Variants in MTHFS observed in about 807,000 individuals in gnomAD.
MTHFS encodes the protein 5-formyltetrahydrofolate cyclo-ligase.
In MTHFS, 7 loss-of-function variants were observed where a neutral mutation model predicts 12.7. The ratio of observed to expected loss-of-function variants is 0.55; its 90% CI spans 0.31 to 1.03. MTHFS has a LOEUF of 1.03. Ranked by LOEUF, MTHFS falls within the 50% of genes least tolerant of loss-of-function variation. MTHFS has a pLI of 0.05. For synonymous variants in MTHFS, 100 were observed against 97.1 expected (o/e 1.03, Z -0.18); for missense variants, 252 against 258.1 (o/e 0.98, Z 0.16).
At chr15:79,855,152 C>T (rs1024493642) in intron 2 of MTHFS, among the ~76,000 whole-genome samples, 5 of 152,116 alleles carry the variant, frequency 3.3e-5, no homozygotes, top group Non-Finnish European at 7.3e-5. Flanking sequence ...CCAATCCCTA[C>T]TTTACAGCTT....
chr15:79,852,085 A>G (rs2033726277), intron 2 of MTHFS, among the ~76,000 whole-genome samples: 1 of 152,254 alleles, frequency 6.6e-6, no homozygotes, highest in South Asian at 2.1e-4. Context: ...CTGATTACAG[A>G]GAGACACAGG....
intron 2 of MTHFS, among the ~76,000 whole-genome samples, chr15:79,874,361 C>T (rs963081276): frequency 6.6e-6 from 1 of 152,084 alleles, no homozygotes; most frequent in African/African-American, 2.4e-5. Flanking sequence ...TGAAAATCAA[C>T]AGCCTTACAA....
At chr15:79,894,212 C>T (rs1281256151) in intron 1 of MTHFS, among the ~76,000 whole-genome samples, 1 of 152,114 alleles carries the variant, frequency 6.6e-6, no homozygotes. Context: ...GAAACCCCGT[C>T]TCTACTAAAA....
intron 2 of MTHFS, among the ~76,000 whole-genome samples, chr15:79,870,008 T>C (rs567241746): frequency 6.6e-6 from 1 of 152,240 alleles, no homozygotes; most frequent in Admixed American, 6.5e-5. Flanking sequence ...TCCCTGGAGT[T>C]AAAAAGGACA....
At chr15:79,854,526 G>C (rs2033768222) in intron 2 of MTHFS, among the ~76,000 whole-genome samples, 2 of 152,174 alleles carry the variant, frequency 1.3e-5, no homozygotes, top group Non-Finnish European at 2.9e-5. Context: ...TGGATCTAGA[G>C]GTGGCCAACC....
chr15:79,864,341 T>C (rs2033968729), intron 2 of MTHFS, among the ~76,000 whole-genome samples: 1 of 151,822 alleles, frequency 6.6e-6, no homozygotes, highest in Non-Finnish European at 1.5e-5. Flanking sequence ...GGTCAGGAAT[T>C]TGAGACCAGC....
intron 2 of MTHFS, among the ~76,000 whole-genome samples, chr15:79,879,464 A>T (rs1236998594): frequency 6.6e-6 from 1 of 150,968 alleles, no homozygotes; most frequent in East Asian, 1.9e-4. Flanking sequence ...AGTAGCTGGG[A>T]TTACAGGCAC....
intron 2 of MTHFS, among the ~76,000 whole-genome samples, chr15:79,882,924 G>A (rs2034320916): frequency 6.6e-6 from 1 of 152,248 alleles, no homozygotes; most frequent in Admixed American, 6.5e-5. Context: ...AAAAAATGTT[G>A]GTTGGGTGCA....
intron 2 of MTHFS, among the ~76,000 whole-genome samples, chr15:79,871,919 A>G (rs35289405): frequency 0.11 from 16,821 of 151,802 alleles, 1,126 homozygotes; most frequent in South Asian, 0.21. Context: ...CCTGGCCAAC[A>G]TGGTGAAACC....
intron 2 of MTHFS, among the ~76,000 whole-genome samples, chr15:79,869,622 T>C (rs1032448567): frequency 6.6e-6 from 1 of 152,092 alleles, no homozygotes; most frequent in African/African-American, 2.4e-5. Flanking sequence ...TTTGTAGAGA[T>C]GGGGTCTCAT....
Position 79,893,796 on chromosome 15 carries a change from AAC to A in MTHFS, c.117+3074_117+3075del, listed in dbSNP as rs772832165. On this transcript the variant is annotated intron_variant, in intron 1 of 2. Transcript: ENST00000258874. ...TCAGAAACTGACAGAGGGAGTAGAA[AAC>A]ACAGTGAGTAAAGGGGCACTAATTT... 4.3e-4 allele frequency among the ~76,000 whole-genome samples: 65 copies of A among 152,154 alleles called. 1 individual carries two copies. The highest frequency in any genetic ancestry group is 1.2e-3 in the South Asian group (6 of 4,828).
In MTHFS at chr15:79,845,138, C is replaced by G; in HGVS notation, c.*72G>C. ...ATGAACAATTTCAACTAATTTTTGA[C>G]AAGGGAAAAATACACATACTTTGCT... On this transcript the variant is annotated 3_prime_UTR_variant, in exon 3 of 3. Coordinates refer to ENST00000258874, the MANE Select transcript of MTHFS (RefSeq NM_006441.4). The G allele has an allele frequency of 1.3e-6, 2 of 1,557,294 alleles. No homozygotes were observed. The highest frequency in any genetic ancestry group is 1.7e-6 in the Non-Finnish European group (2 of 1,149,904).
intron 2 of MTHFS, among the ~76,000 whole-genome samples, chr15:79,866,470 C>A (rs986215657): frequency 5.9e-5 from 9 of 152,084 alleles, no homozygotes; most frequent in Non-Finnish European, 1.3e-4. Flanking sequence ...CTGGGCACAA[C>A]CCCCAAATAA....
At chr15:79,855,114 T>A (rs999910930) in intron 2 of MTHFS, among the ~76,000 whole-genome samples, 2 of 152,190 alleles carry the variant, frequency 1.3e-5, no homozygotes, top group Admixed American at 6.5e-5. Flanking sequence ...ATATTTACTA[T>A]CTGGCCCTCT....
intron 2 of MTHFS, among the ~76,000 whole-genome samples, chr15:79,859,143 T>G (rs1045630037): frequency 1.3e-5 from 2 of 152,180 alleles, no homozygotes; most frequent in Non-Finnish European, 2.9e-5. Flanking sequence ...GAAATCCATT[T>G]CCCCCAAATT....
At chr15:79,866,760 G>A (rs773824354) in intron 2 of MTHFS, among the ~76,000 whole-genome samples, 11 of 152,136 alleles carry the variant, frequency 7.2e-5, no homozygotes, top group African/African-American at 2.2e-4. Flanking sequence ...AGACCAGACC[G>A]ACCAACATGA....
At chr15:79,880,546 T>C (rs1427752291) in intron 2 of MTHFS, among the ~76,000 whole-genome samples, 1 of 151,970 alleles carries the variant, frequency 6.6e-6, no homozygotes, top group African/African-American at 2.4e-5. Context: ...TTAAAAAGGA[T>C]ATTTAAGTTA....
At chr15:79,848,893 G>C (rs2033664661) in intron 2 of MTHFS, among the ~76,000 whole-genome samples, 1 of 152,018 alleles carries the variant, frequency 6.6e-6, no homozygotes, top group Non-Finnish European at 1.5e-5. Context: ...AAGAAACCCT[G>C]AAAAATGAAT....
intron 1 of MTHFS, 190 bp downstream of exon 1, chr15:79,896,682 A>G (rs2034576695): frequency 5.6e-6 from 6 of 1,063,790 alleles, no homozygotes; most frequent in East Asian, 3.2e-5. Flanking sequence ...TCTCCCCGCC[A>G]TAGTGCCAAG....
Sources: allele counts gnomAD v4.1 joint callset (sites outside exome capture counted in the v4.1 genomes callset), GRCh38; gene constraint gnomAD v4.1.1; transcripts MANE v1.5; gene names NCBI Gene and HGNC (gene_info 2026-07-23, HGNC 2026-07-21).